The following GATAD2B variants were observed in gnomAD, a reference collection of about 807,000 sequenced individuals.
The protein encoded by GATAD2B is GATA zinc finger domain containing 2B.
A neutral mutation model predicts 64.3 loss-of-function variants in GATAD2B; 8 were observed. The ratio of observed to expected loss-of-function variants is 0.12; its 90% confidence interval spans 0.07 to 0.22. GATAD2B has a LOEUF of 0.22. Among genes scored for constraint, GATAD2B ranks in the 10% least tolerant of loss-of-function variants. The pLI is 1.00. For missense variants in GATAD2B, 453 were observed against 752.0 expected (o/e 0.60, Z 4.65); for synonymous variants, 281 against 271.3 (o/e 1.04, Z -0.35).
At chr1:153,913,552 T>C (rs1222392194) in intron 1 of GATAD2B, among the ~76,000 whole-genome samples, 1 of 152,190 alleles carries the variant, frequency 6.6e-6, no homozygotes, top group Non-Finnish European at 1.5e-5. Flanking sequence ...GCTAAGCTGG[T>C]TGAACTGCAA....
At chr1:153,911,905 G>A (rs765292236) in intron 1 of GATAD2B, among the ~76,000 whole-genome samples, 2 of 152,102 alleles carry the variant, frequency 1.3e-5, no homozygotes, top group Non-Finnish European at 2.9e-5. Flanking sequence ...CAACACAACT[G>A]AATCTAGAAC....
intron 7 of GATAD2B, among the ~76,000 whole-genome samples, chr1:153,815,229 C>T (rs1471193182): frequency 1.5e-5 from 2 of 137,438 alleles, no homozygotes; most frequent in African/African-American, 5.5e-5. Context: ...GCTGAGATCA[C>T]ACCACTGCAC....
intron 2 of GATAD2B, among the ~76,000 whole-genome samples, chr1:153,824,806 C>T (rs1218489224): frequency 6.6e-6 from 1 of 151,522 alleles, no homozygotes; most frequent in African/African-American, 2.4e-5. Flanking sequence ...ATGTTGGGCC[C>T]GGCATGGTGG....
chr1:153,820,716 A>C (rs9427233), intron 2 of GATAD2B, among the ~76,000 whole-genome samples: 62,165 of 150,512 alleles, frequency 0.41, 13,853 homozygotes, highest in Non-Finnish European at 0.52. Flanking sequence ...TGCAGCCTTG[A>C]CCTCCTGAGC....
intron 1 of GATAD2B, among the ~76,000 whole-genome samples, chr1:153,836,312 G>A (rs1675265186): frequency 6.8e-6 from 1 of 147,710 alleles, no homozygotes; most frequent in Admixed American, 6.8e-5. Context: ...CTGGAGTGCA[G>A]TGGCACAGCC....
At chr1:153,822,662 C>A (rs1225274088) in intron 2 of GATAD2B, among the ~76,000 whole-genome samples, 2 of 151,984 alleles carry the variant, frequency 1.3e-5, no homozygotes, top group African/African-American at 4.8e-5. Flanking sequence ...CGCCACCACA[C>A]CCGGCTAATT....
chr1:153,852,460 G>A, intron 1 of GATAD2B: 1 of 758,444 alleles, frequency 1.3e-6, no homozygotes, highest in Non-Finnish European at 2.5e-6. Flanking sequence ...TGCTAAGTCA[G>A]GTTGCAGGCA....
chr1:153,865,003 G>A (rs1008984077), intron 1 of GATAD2B, among the ~76,000 whole-genome samples: 2 of 152,200 alleles, frequency 1.3e-5, no homozygotes, highest in African/African-American at 4.8e-5. Context: ...CTGGGAGGCG[G>A]AGGTTGCGGT....
intron 1 of GATAD2B, among the ~76,000 whole-genome samples, chr1:153,848,030 G>C (rs983692001): frequency 2.6e-5 from 4 of 152,142 alleles, no homozygotes; most frequent in Admixed American, 2.0e-4. Context: ...GTCTGCCATT[G>C]AACTCATGCA....
intron 1 of GATAD2B, among the ~76,000 whole-genome samples, chr1:153,915,554 A>AG (rs1278375903): frequency 6.6e-6 from 1 of 152,052 alleles, no homozygotes; most frequent in African/African-American, 2.4e-5. Flanking sequence ...TTCAGAAGCT[A>AG]CCTGTAATTA....
intron 1 of GATAD2B, among the ~76,000 whole-genome samples, chr1:153,879,358 A>C (rs1420788246): frequency 2.6e-5 from 4 of 152,100 alleles, no homozygotes; most frequent in Non-Finnish European, 5.9e-5. Flanking sequence ...TACAGGCATG[A>C]GCCACCGCTC....
At position 153,816,606 on chromosome 1, in the gene GATAD2B, T is replaced by A. The variant is rs1265140762; in HGVS notation, c.901-18A>T. 1 of 1,562,262 alleles carries A rather than the reference T, an allele frequency of 6.4e-7. No individual in the cohort carries two copies. The highest frequency in any genetic ancestry group is 8.8e-7 in the Non-Finnish European group (1 of 1,135,866). On this transcript the variant is annotated intron_variant, in intron 6 of 10. Transcript: ENST00000368655. This position sits in a 1 kb window ranked among gnomAD's most constrained non-coding sequence, Gnocchi z 4.9. ...CTTGACTGCTGAAATAGATTGAGAATGCGGTCAATCATGGTATGCAGGAGA... is the reference window on the plus strand; with the variant it reads ...CTTGACTGCTGAAATAGATTGAGAAAGCGGTCAATCATGGTATGCAGGAGA...
At chr1:153,819,531 G>C (rs1674599705) in intron 3 of GATAD2B, 75 bp downstream of exon 3, 2 of 1,080,182 alleles carry the variant, frequency 1.9e-6, no homozygotes, top group Non-Finnish European at 2.7e-6. Flanking sequence ...TCAAAAAACA[G>C]AACTAAATCT....
intron 1 of GATAD2B, among the ~76,000 whole-genome samples, chr1:153,846,241 T>C (rs1675683679): frequency 6.6e-6 from 1 of 152,154 alleles, no homozygotes; most frequent in Non-Finnish European, 1.5e-5. Flanking sequence ...TCCTTCTTGC[T>C]ATGTTTGTTT....
At chr1:153,884,539 C>A (rs1331549502) in intron 1 of GATAD2B, among the ~76,000 whole-genome samples, 1 of 151,604 alleles carries the variant, frequency 6.6e-6, no homozygotes, top group African/African-American at 2.4e-5. Flanking sequence ...GAGGATGACG[C>A]TGCAGTGAGC....
intron 1 of GATAD2B, among the ~76,000 whole-genome samples, chr1:153,864,315 G>A (rs1676407540): frequency 6.6e-6 from 1 of 152,202 alleles, no homozygotes; most frequent in South Asian, 2.1e-4. Flanking sequence ...TTATCGGAAT[G>A]GTGAGAGCTA....
intron 1 of GATAD2B, among the ~76,000 whole-genome samples, chr1:153,878,431 T>C (rs1477087623): frequency 6.6e-6 from 1 of 152,080 alleles, no homozygotes; most frequent in East Asian, 1.9e-4. Flanking sequence ...CAGCTCATCC[T>C]ACAATCCTTA....
chr1:153,863,368 T>C (rs767740818), intron 1 of GATAD2B, among the ~76,000 whole-genome samples: 6 of 151,850 alleles, frequency 4.0e-5, no homozygotes, highest in Non-Finnish European at 7.4e-5. Context: ...TGGTGGTGCA[T>C]GCCTGTAATC....
At chr1:153,906,149 C>T (rs1677922647) in intron 1 of GATAD2B, among the ~76,000 whole-genome samples, 1 of 151,228 alleles carries the variant, frequency 6.6e-6, no homozygotes, top group African/African-American at 2.4e-5. Flanking sequence ...GTGGCTCATA[C>T]CTGTAGTCTC....
Sources: allele counts gnomAD v4.1 joint callset (sites outside exome capture counted in the v4.1 genomes callset), GRCh38; gene constraint gnomAD v4.1.1; non-coding constraint Gnocchi (gnomAD v3.1); transcripts MANE v1.5; gene names NCBI Gene and HGNC (gene_info 2026-07-23, HGNC 2026-07-21).